Variants in PCDHA6 observed in about 807,000 individuals in gnomAD.
The protein encoded by PCDHA6 is protocadherin alpha 6.
Under a neutral mutation model 60.3 loss-of-function variants are expected in PCDHA6, and 55 were observed. The observed-to-expected ratio is 0.91, with a 90% CI of 0.73 to 1.14. The LOEUF (loss-of-function observed/expected upper bound fraction) is 1.14. Among genes scored for constraint, PCDHA6 ranks in the 50% most tolerant of loss-of-function variants. The pLI, the probability that PCDHA6 is intolerant of heterozygous loss-of-function variation, is 0.00. For missense variants in PCDHA6, 1,327 were observed against 1,256.5 expected (o/e 1.06, Z -0.85); for synonymous variants, 652 against 557.9 (o/e 1.17, Z -2.38).
intron 1 of PCDHA6, chr5:140,878,023 T>C (rs1162658024): frequency 2.6e-6 from 2 of 762,594 alleles, no homozygotes; most frequent in Non-Finnish European, 3.8e-6. Context: ...GAAGGAAATA[T>C]GTAGGTACAA....
intron 1 of PCDHA6, among the ~76,000 whole-genome samples, chr5:140,878,400 A>G (rs1190004888): frequency 6.6e-6 from 1 of 152,218 alleles, no homozygotes; most frequent in Non-Finnish European, 1.5e-5. Flanking sequence ...TGCTCACAAA[A>G]TATCTTCTTT....
rs2150360936 is a variant in PCDHA6 at position 140,843,478 on chromosome 5, T to A, written c.2394+12993T>A. On this transcript the variant is annotated intron_variant, in intron 1 of 3. Coordinates refer to ENST00000529310, the MANE Select transcript of PCDHA6 (RefSeq NM_018909.4). ...TGGTGCTCACGCTGCTGCTGTACAC[T>A]GCGCTGCGGTGCTCAGCACTGCCCA... 2.1e-5 allele frequency: 33 copies of A among 1,595,746 alleles called. 1 individual carries two copies. Among genetic ancestry groups the A allele is most frequent in the Non-Finnish European group, 2.8e-5 (33 of 1,165,552 alleles).
At chr5:140,950,358 G>A (rs1474217490) in intron 1 of PCDHA6, among the ~76,000 whole-genome samples, 3 of 151,864 alleles carry the variant, frequency 2.0e-5, no homozygotes, top group Admixed American at 1.3e-4. Context: ...TCCTTTATCT[G>A]AAGATCTATT....
intron 1 of PCDHA6, among the ~76,000 whole-genome samples, chr5:140,890,597 G>A (rs527637387): frequency 2.6e-5 from 4 of 152,002 alleles, no homozygotes; most frequent in African/African-American, 4.8e-5. Flanking sequence ...GCCCTTTTCC[G>A]AATAGCTAGT....
chr5:140,856,501 T>A, intron 1 of PCDHA6: 1 of 1,598,302 alleles, frequency 6.3e-7, no homozygotes, highest in Non-Finnish European at 8.6e-7. Flanking sequence ...ACTCTCGATT[T>A]CCACTAGAAG....
chr5:140,945,829 A>G (rs1472344558), intron 1 of PCDHA6, among the ~76,000 whole-genome samples: 1 of 152,180 alleles, frequency 6.6e-6, no homozygotes, highest in Non-Finnish European at 1.5e-5. Flanking sequence ...ACAAAAGTCA[A>G]CTCAAAATGG....
rs782333249 is a variant in PCDHA6 at position 140,978,931 on chromosome 5, CTCTT to C, written c.2395-16_2395-13del. On this transcript the variant is annotated splice_polypyrimidine_tract_variant and intron_variant, in intron 1 of 3. Coordinates refer to ENST00000529310, the MANE Select transcript of PCDHA6 (RefSeq NM_018909.4). ...TGTCTTGTCATTTTAACAGAAAACTCTCTTTGTGATTTTGCAGCCACGACAGCCC... is the reference window on the plus strand; with the variant it reads ...TGTCTTGTCATTTTAACAGAAAACTCTGTGATTTTGCAGCCACGACAGCCC... 4.3e-6 allele frequency: 7 copies of C among 1,614,126 alleles called. No individual in the cohort carries two copies. The Admixed American group carries it at 6.7e-5, about 15-fold the overall frequency.
At chr5:140,860,772 C>G (rs1554153719) in intron 1 of PCDHA6, 1 of 152,248 alleles carries the variant, frequency 6.6e-6, no homozygotes, top group African/African-American at 2.4e-5. Context: ...GAGTCTCGCT[C>G]TGTTGCCCAG....
At chr5:140,966,710 G>C in intron 1 of PCDHA6, 1 of 1,391,664 alleles carries the variant, frequency 7.2e-7, no homozygotes, top group African/African-American at 1.5e-5. Context: ...GTGGGGCACG[G>C]CTGGGGAAGC....
At chr5:140,865,781 A>T (rs1213634186) in intron 1 of PCDHA6, 5 of 152,208 alleles carry the variant, frequency 3.3e-5, no homozygotes, top group Non-Finnish European at 5.9e-5. Flanking sequence ...TCAAATGTGT[A>T]TCTTTCAGGC....
At chr5:140,948,957 C>G (rs1338643900) in intron 1 of PCDHA6, among the ~76,000 whole-genome samples, 2 of 151,542 alleles carry the variant, frequency 1.3e-5, no homozygotes, top group Admixed American at 1.3e-4. Context: ...AAATTAAAGC[C>G]ACGAATTTAT....
chr5:140,850,009 C>T (rs2150463255), intron 1 of PCDHA6: 11 of 1,596,964 alleles, frequency 6.9e-6, no homozygotes, highest in Non-Finnish European at 9.4e-6. Flanking sequence ...CGCTCGCTGT[C>T]GAGCTACGTG....
chr5:140,885,642 A>G (rs2060672494), intron 1 of PCDHA6, among the ~76,000 whole-genome samples: 1 of 152,170 alleles, frequency 6.6e-6, no homozygotes, highest in Non-Finnish European at 1.5e-5. Flanking sequence ...CCTTCCAAGT[A>G]TTTTGGAACC....
In PCDHA6 at chr5:140,857,745, C is replaced by A. The variant is rs782206343; in HGVS notation, c.2394+27260C>A. ...AACGACAACGCTCCCGCGCTGCTGG[C>A]GTCTCCCGCTGGCAGCGCGGGCGGT... is the stretch of plus-strand genomic sequence containing the variant. On this transcript the variant is annotated intron_variant, in intron 1 of 3. Coordinates refer to ENST00000529310, the MANE Select transcript of PCDHA6 (RefSeq NM_018909.4). 4.6e-5 allele frequency: 73 copies of A among 1,597,310 alleles called. 8 individuals carry two copies. Among genetic ancestry groups the A allele is most frequent in the Non-Finnish European group, 5.8e-5 (68 of 1,167,612 alleles).
At chr5:140,895,935 C>T (rs922054631) in intron 1 of PCDHA6, among the ~76,000 whole-genome samples, 20 of 152,028 alleles carry the variant, frequency 1.3e-4, no homozygotes, top group African/African-American at 4.1e-4. Flanking sequence ...CTCAGCCTCC[C>T]GAGTAGCTGG....
intron 1 of PCDHA6, among the ~76,000 whole-genome samples, chr5:140,878,533 CA>C (rs2057632489): frequency 6.6e-6 from 1 of 152,156 alleles, no homozygotes; most frequent in Admixed American, 6.5e-5. Context: ...AACTGTGGCT[CA>C]AACCAGTTTC....
intron 1 of PCDHA6, chr5:140,869,354 T>C (rs782282863): frequency 6.2e-7 from 1 of 1,614,116 alleles, no homozygotes; most frequent in Non-Finnish European, 8.5e-7. Context: ...AATGGCATTT[T>C]GTTTGTGAAT....
chr5:140,911,404 A>G (rs2075457175), intron 1 of PCDHA6, among the ~76,000 whole-genome samples: 1 of 152,174 alleles, frequency 6.6e-6, no homozygotes, highest in African/African-American at 2.4e-5. Flanking sequence ...CAGGTCAGCC[A>G]CTGGTATGAT....
chr5:140,852,888 T>C, intron 1 of PCDHA6: 1 of 920,092 alleles, frequency 1.1e-6, no homozygotes, highest in Non-Finnish European at 1.3e-6. Context: ...AAAACGTATT[T>C]TTTTTTTTGA....
Sources: allele counts gnomAD v4.1 joint callset (sites outside exome capture counted in the v4.1 genomes callset), GRCh38; gene constraint gnomAD v4.1.1; transcripts MANE v1.5; gene names NCBI Gene and HGNC (gene_info 2026-07-23, HGNC 2026-07-21).